CALN1: variants seen among roughly 807,000 people sequenced by gnomAD.
The protein encoded by CALN1 is calcium-binding protein 8.
A neutral mutation model predicts 30.6 loss-of-function variants in CALN1; 17 were observed. The ratio of observed to expected loss-of-function variants is 0.56; its 90% CI spans 0.38 to 0.83. The LOEUF (loss-of-function observed/expected upper bound fraction) is 0.83. Ranked by LOEUF, CALN1 falls within the 40% of genes least tolerant of loss-of-function variation. The probability of loss-of-function intolerance (pLI) is 0.00; values close to 1 mark genes in which losing one functional copy is unlikely to be tolerated. For missense variants in CALN1, 291 were observed against 354.9 expected (o/e 0.82, Z 1.45); for synonymous variants, 156 against 131.4 (o/e 1.19, Z -1.28).
intron 2 of CALN1, among the ~76,000 whole-genome samples, chr7:72,306,163 C>A (rs556007098): frequency 1.3e-5 from 2 of 152,156 alleles, no homozygotes; most frequent in Admixed American, 6.5e-5. Flanking sequence ...GGAAGAAAAT[C>A]AAAAAATTTT....
At chr7:72,055,036 G>C (rs1803163105) in intron 4 of CALN1, among the ~76,000 whole-genome samples, 1 of 152,146 alleles carries the variant, frequency 6.6e-6, no homozygotes, top group African/African-American at 2.4e-5. Flanking sequence ...CAAAAGAACG[G>C]ATGGAAGAGA....
chr7:72,217,538 A>C (rs1792921566), intron 3 of CALN1, among the ~76,000 whole-genome samples: 1 of 152,166 alleles, frequency 6.6e-6, no homozygotes, highest in Admixed American at 6.6e-5. Context: ...GAAGACACTA[A>C]GTCGTGCCAG....
chr7:72,406,092 C>T (rs957721624), intron 1 of CALN1, among the ~76,000 whole-genome samples: 1 of 152,170 alleles, frequency 6.6e-6, no homozygotes, highest in East Asian at 1.9e-4. Flanking sequence ...GCGGCACTCG[C>T]GATGTGCCAG....
intron 2 of CALN1, among the ~76,000 whole-genome samples, chr7:72,338,822 C>G (rs1274602824): frequency 4.0e-5 from 6 of 151,816 alleles, no homozygotes; most frequent in African/African-American, 7.3e-5. Context: ...CAATTACACT[C>G]TAAGTTATTG....
intron 5 of CALN1, among the ~76,000 whole-genome samples, chr7:71,855,128 T>G (rs561898987): frequency 2.0e-5 from 3 of 152,298 alleles, no homozygotes; most frequent in African/African-American, 4.8e-5. Context: ...GGATATGGAA[T>G]TGTATGCATC....
At chr7:71,861,542 G>A (rs895056582) in intron 5 of CALN1, among the ~76,000 whole-genome samples, 12 of 151,994 alleles carry the variant, frequency 7.9e-5, no homozygotes, top group South Asian at 2.1e-4. Flanking sequence ...TTGGGTGGCC[G>A]AGGCAAGGGG....
intron 2 of CALN1, among the ~76,000 whole-genome samples, chr7:72,282,058 T>C (rs182708725): frequency 2.0e-5 from 3 of 152,296 alleles, no homozygotes; most frequent in East Asian, 3.9e-4. Flanking sequence ...CATATAGATA[T>C]ATAAAGTCAT....
chr7:72,369,422 G>A (rs566518729), intron 2 of CALN1, among the ~76,000 whole-genome samples: 2 of 150,624 alleles, frequency 1.3e-5, no homozygotes, highest in Admixed American at 6.7e-5. Flanking sequence ...GGAGTGCAGT[G>A]GCAATCCCTG....
At chr7:71,922,883 T>G (rs1031993611) in intron 5 of CALN1, among the ~76,000 whole-genome samples, 3 of 98,528 alleles carry the variant, frequency 3.0e-5, no homozygotes, top group Non-Finnish European at 6.3e-5. Flanking sequence ...TATAAACATA[T>G]ATATTAATAT....
intron 5 of CALN1, among the ~76,000 whole-genome samples, chr7:71,924,262 GATCTTTTTAAAAAAGATTAGGA>G (rs1795142582): frequency 6.8e-6 from 1 of 148,142 alleles, no homozygotes; most frequent in Non-Finnish European, 1.5e-5. Flanking sequence ...TAGGATTTCA[GATCTTTTTAAAAAAGATTAGGA>G]TTTCAGATCT....
Position 71,955,583 on chromosome 7 carries a change from G to A in CALN1, c.501+68074C>T, listed in dbSNP as rs558935480. Among the ~76,000 whole-genome samples, 7 of 152,074 alleles carry A rather than the reference G, an allele frequency of 4.6e-5. No individual in the cohort carries two copies. The South Asian group carries it at 6.2e-4, about 14-fold the overall frequency. ...AGGTCTGTTGAACCCCAAAATGAAC[G>A]CTTTCCCCACTGGTCTAAGTGGAAA... On this transcript the variant is annotated intron_variant, in intron 5 of 6. Coordinates refer to ENST00000395275, the MANE Select transcript of CALN1 (RefSeq NM_031468.4).
At chr7:71,998,021 A>G (rs1799337821) in intron 5 of CALN1, among the ~76,000 whole-genome samples, 1 of 151,902 alleles carries the variant, frequency 6.6e-6, no homozygotes, top group Non-Finnish European at 1.5e-5. Context: ...GAGTTTCACC[A>G]TCTTGGCCAG....
chr7:72,225,096 C>T (rs1234096817), intron 3 of CALN1, among the ~76,000 whole-genome samples: 7 of 148,196 alleles, frequency 4.7e-5, no homozygotes, highest in African/African-American at 1.7e-4. Flanking sequence ...AGCGAGACTC[C>T]ATCTCAAAAA....
the CALN1 span, among the ~76,000 whole-genome samples, chr7:72,500,317 G>A: frequency 1.0e-5 from 1 of 98,988 alleles, no homozygotes; most frequent in South Asian, 3.7e-4. Flanking sequence ...GTCTCACTCC[G>A]TCGCCCAGGC....
At chr7:72,293,420 G>A (rs1350996398) in intron 2 of CALN1, among the ~76,000 whole-genome samples, 1 of 152,144 alleles carries the variant, frequency 6.6e-6, no homozygotes, top group Non-Finnish European at 1.5e-5. Flanking sequence ...GCCACTGCTG[G>A]AGACAATTAT....
intron 5 of CALN1, among the ~76,000 whole-genome samples, chr7:71,894,446 T>C (rs1161644181): frequency 6.6e-6 from 1 of 152,180 alleles, no homozygotes; most frequent in Admixed American, 6.5e-5. Context: ...TAAATTTTTT[T>C]TGTAGAGACG....
At chr7:72,273,994 T>C (rs1797177697) in intron 3 of CALN1, among the ~76,000 whole-genome samples, 1 of 152,142 alleles carries the variant, frequency 6.6e-6, no homozygotes, top group Non-Finnish European at 1.5e-5. Context: ...TTATTATGAA[T>C]ATATATACAA....
chr7:72,374,044 T>TA (rs1554392645), intron 2 of CALN1, among the ~76,000 whole-genome samples: 1 of 152,120 alleles, frequency 6.6e-6, no homozygotes, highest in Non-Finnish European at 1.5e-5. Context: ...GAAGGTGAAA[T>TA]AAAGACATTC....
At position 72,104,711 on chromosome 7, in the gene CALN1, C is replaced by G. The variant is rs753687370; in HGVS notation, c.388+1440G>C. The stretch of plus-strand genomic sequence containing the variant: ...CGCTGGCTCACACCCGTAATCCCAG[C>G]ACTTTGGGAGGCCGAGGTGGGCAGA... On this transcript the variant is annotated intron_variant, in intron 4 of 6. Transcript: ENST00000395275. Among the ~76,000 whole-genome samples, 9 of 152,178 alleles carry G rather than the reference C, an allele frequency of 5.9e-5. 1 individual carries two copies. Among genetic ancestry groups the G allele is most frequent in the African/African-American group, 7.2e-5 (3 of 41,448 alleles).
Sources: allele counts gnomAD v4.1 joint callset (sites outside exome capture counted in the v4.1 genomes callset), GRCh38; gene constraint gnomAD v4.1.1; transcripts MANE v1.5; gene names NCBI Gene and HGNC (gene_info 2026-07-23, HGNC 2026-07-21).